COL12A1: variants seen among roughly 807,000 people sequenced by gnomAD.
COL12A1 encodes the protein collagen type XII alpha 1 chain.
Under a neutral mutation model 349.7 loss-of-function variants are expected in COL12A1, and 114 were observed. The observed-to-expected ratio is 0.33, with a 90% CI of 0.28 to 0.38. The LOEUF (loss-of-function observed/expected upper bound fraction) is 0.38. Ranked by LOEUF, COL12A1 falls within the 10% of genes least tolerant of loss-of-function variation. The pLI is 1.00. For synonymous variants in COL12A1, 1,369 were observed against 1,329.0 expected (o/e 1.03, Z -0.66); for missense variants, 3,284 against 3,756.9 (o/e 0.87, Z 3.29).
In COL12A1 at chr6:75,143,351, A is replaced by T; in HGVS notation, c.4728T>A (p.Asp1576Glu). 1 of 1,613,864 alleles carries T rather than the reference A, an allele frequency of 6.2e-7. No homozygotes were observed. Among genetic ancestry groups the T allele is most frequent in the Non-Finnish European group, 8.5e-7 (1 of 1,179,940 alleles). Residue 1576 changes from aspartate (D) to glutamate (E), a missense_variant, in exon 26 of 66, where the codon GAT becomes GAA. By Grantham distance (45) the Asp-to-Glu change is conservative (BLOSUM62 2). Coordinates refer to ENST00000322507, the MANE Select transcript of COL12A1 (RefSeq NM_004370.6). Reference sequence around the variant, plus strand: ...AGACATTCATAGTGCTGTGAGTCACATCTCTGAGTTTCAGATCCTGAGGTC... The same window carrying T: ...AGACATTCATAGTGCTGTGAGTCACTTCTCTGAGTTTCAGATCCTGAGGTC... The part of the protein sequence containing the change: ...LPRPQDLKLR[D>E]VTHSTMNVFW...
rs1382198401 is a variant in COL12A1, at chr6:75,085,312, C to A, written c.*1235G>T. On this transcript the variant is annotated 3_prime_UTR_variant, in exon 66 of 66. Transcript: ENST00000322507. ...GCTGTCCGCTCGGGCTCCACCGGCA[C>A]GATGAAGGGCTCGCGCTCAGGCAGG... is the stretch of plus-strand genomic sequence containing the variant. 1 of 471,090 alleles carries A rather than the reference C, an allele frequency of 2.1e-6. No individual in the cohort carries two copies. The allele number at this position is 471,090 out of a possible 1,614,324, so 29.2% of individuals were successfully genotyped here. A position where few individuals can be genotyped will look rare whatever the true frequency, so the allele number is the denominator to read the frequency against.
chr6:75,195,002 TTTAA>T (rs1258716611), intron 2 of COL12A1, 55 bp from the exon 3 acceptor site: 27 of 983,594 alleles, frequency 2.7e-5, no homozygotes, highest in Non-Finnish European at 4.1e-5. Flanking sequence ...AAATGGTCAA[TTTAA>T]TTAATAAAGA....
chr6:75,143,418 T>G (rs1767012168), intron 25 of COL12A1, 30 bp from the exon 26 acceptor site: 3 of 1,605,880 alleles, frequency 1.9e-6, no homozygotes, highest in South Asian at 2.3e-5. Context: ...TAAATCCAGA[T>G]GTGCTTCTCA....
rs1472523214 is a variant in COL12A1, at chr6:75,101,803, A to T, written c.8470-150T>A. The T allele has an allele frequency of 1.6e-5, 16 of 978,772 alleles. No individual in the cohort carries two copies. In the East Asian group the frequency reaches 3.8e-4, roughly 23 times the overall value. The allele number at this position is 978,772 out of a possible 1,614,324, so 60.6% of individuals were successfully genotyped here. ...CCAAGCACATTGCCAAGCATACAGTAGATGCTCAGTCAACAAGCAGATACC... is the reference window on the plus strand; with the variant it reads ...CCAAGCACATTGCCAAGCATACAGTTGATGCTCAGTCAACAAGCAGATACC... On this transcript the variant is annotated intron_variant, in intron 57 of 65. Coordinates refer to ENST00000322507, the MANE Select transcript of COL12A1 (RefSeq NM_004370.6).
At chr6:75,169,543 T>C (rs1043830048) in intron 13 of COL12A1, among the ~76,000 whole-genome samples, 6 of 152,206 alleles carry the variant, frequency 3.9e-5, no homozygotes, top group Non-Finnish European at 4.4e-5. Context: ...GAGGTCCTCC[T>C]CTTTCTTCTG....
Position 75,134,515 on chromosome 6 carries a change from G to C in COL12A1, c.5524+211C>G, listed in dbSNP as rs145792606. On this transcript the variant is annotated intron_variant, in intron 32 of 65. Coordinates refer to ENST00000322507, the MANE Select transcript of COL12A1 (RefSeq NM_004370.6). ...GAACCCGGGAGGCAGAGGATGCAGT[G>C]AGCCAAGATCGTGCCACTGCACTCC... Among the ~76,000 whole-genome samples the C allele has an allele frequency of 8.1e-3, 1,230 of 152,070 alleles. 5 individuals carry two copies. Among genetic ancestry groups the C allele is most frequent in the Non-Finnish European group, 0.013 (896 of 67,996 alleles).
chr6:75,122,314 G>A (rs1034075504), intron 43 of COL12A1, among the ~76,000 whole-genome samples: 8 of 152,002 alleles, frequency 5.3e-5, no homozygotes, highest in East Asian at 1.9e-4. Flanking sequence ...GAACCCTAAC[G>A]CAAACTGTGG....
Position 75,090,454 on chromosome 6 carries a change from A to G in COL12A1, c.8753-156T>C, listed in dbSNP as rs375338580. ...AGAATCCTAAAAATAAAATTAAGAC[A>G]GTCTAATCATCGAGGACAAAATGGT... is the stretch of plus-strand genomic sequence containing the variant. On this transcript the variant is annotated intron_variant, in intron 62 of 65. Coordinates refer to ENST00000322507, the MANE Select transcript of COL12A1 (RefSeq NM_004370.6). The surrounding 1 kb of genome is among the most constrained non-coding windows in gnomAD (Gnocchi z 4.1). 3.3e-5 allele frequency among the ~76,000 whole-genome samples: 5 copies of G among 152,318 alleles called. 1 individual carries two copies. The East Asian group carries it at 5.8e-4, about 18-fold the overall frequency.
At position 75,130,176 on chromosome 6, in the gene COL12A1, G is replaced by A. The variant is rs767845062; in HGVS notation, c.6125C>T (p.Ser2042Leu). ...RVFGETTNSL[S>L]VAWDHADGPV... ...CCCATCAGCATGATCCCAGGCTACC[G>A]AGAGGCTATTGGTTGTTTCACCAAA... Residue 2042 changes from serine to leucine, a missense_variant, in exon 37 of 66, where the codon TCG becomes TTG. By Grantham distance (145) the Ser-to-Leu change is moderately radical. This residue lies in a region of COL12A1 where 2,601 missense variants were observed against 2,824.8 expected (regional missense o/e 0.92). Coordinates refer to ENST00000322507, the MANE Select transcript of COL12A1 (RefSeq NM_004370.6). The A allele has an allele frequency of 1.5e-5, 24 of 1,613,866 alleles. No homozygotes were observed. The highest frequency in any genetic ancestry group is 1.2e-4 in the South Asian group (11 of 91,052).
At chr6:75,117,576 C>T (rs778338449) in intron 46 of COL12A1, 30 bp from the exon 47 acceptor site, 9 of 1,597,922 alleles carry the variant, frequency 5.6e-6, no homozygotes, top group African/African-American at 1.3e-5. Flanking sequence ...GAATGAATCA[C>T]GTATCTCTTT....
intron 27 of COL12A1, among the ~76,000 whole-genome samples, chr6:75,140,965 G>A (rs1037111124): frequency 2.0e-5 from 3 of 152,094 alleles, no homozygotes; most frequent in African/African-American, 7.2e-5. Context: ...AATACACACT[G>A]GATTTTGAAG....
chr6:75,189,367 A>T lies in COL12A1; in HGVS notation c.673T>A (p.Tyr225Asn), dbSNP rs370494661. Residue 225 changes from tyrosine (Y) to asparagine (N), a missense_variant, in exon 7 of 66, where the codon TAT (tyrosine) becomes AAT (asparagine). By Grantham distance (143) the Tyr-to-Asn change is moderately radical. Transcript: ENST00000322507. The stretch of plus-strand genomic sequence containing the variant: ...TCCGTGAAAGTATTTTTAACTAAAT[A>T]ATCAATGGCATCCCCTAAAGGGAAA... ...GNTMTGDAIDYLVKNTFTESA... is the reference protein window; with the variant it reads ...GNTMTGDAIDNLVKNTFTESA... The T allele has an allele frequency of 6.2e-7, 1 of 1,612,674 alleles. No individual in the cohort carries two copies. The highest frequency in any genetic ancestry group is 2.2e-5 in the East Asian group (1 of 44,834).
At chr6:75,096,682 G>T (rs569613350) in intron 59 of COL12A1, among the ~76,000 whole-genome samples, 7 of 152,222 alleles carry the variant, frequency 4.6e-5, no homozygotes, top group African/African-American at 7.2e-5. Context: ...AGATCACGAG[G>T]TCAGGAGATC....
At chr6:75,132,799 A>T (rs1582102506) in intron 34 of COL12A1, among the ~76,000 whole-genome samples, 1 of 152,352 alleles carries the variant, frequency 6.6e-6, no homozygotes, top group South Asian at 2.1e-4. Context: ...TCTGCACAAA[A>T]GCCTTTAAGC....
intron 37 of COL12A1, among the ~76,000 whole-genome samples, chr6:75,129,328 G>A (rs1264949289): frequency 6.6e-6 from 1 of 152,196 alleles, no homozygotes; most frequent in East Asian, 1.9e-4. Flanking sequence ...ATCACATGGG[G>A]CTCAGGGAGG....
At chr6:75,125,870 C>A (rs1458110098) in intron 39 of COL12A1, among the ~76,000 whole-genome samples, 2 of 151,836 alleles carry the variant, frequency 1.3e-5, no homozygotes, top group South Asian at 4.1e-4. Flanking sequence ...AGAATACAGA[C>A]AAAATATTAA....
intron 23 of COL12A1, among the ~76,000 whole-genome samples, chr6:75,146,838 A>G (rs240725): frequency 0.28 from 42,264 of 152,108 alleles, 5,844 homozygotes; most frequent in Middle Eastern, 0.31. Flanking sequence ...CCTGCCAGTT[A>G]TAAAATACAT....
At position 75,130,984 on chromosome 6, in the gene COL12A1, G is replaced by A; in HGVS notation, c.5938-3C>T. ...CGCGTGTTTCCTGGCACTACTATCT[G>A]CAGGAGAGGAAATGCCAAATTCTGC... On this transcript the variant is annotated splice_polypyrimidine_tract_variant and splice_region_variant and intron_variant, in intron 35 of 65. Coordinates refer to ENST00000322507, the MANE Select transcript of COL12A1 (RefSeq NM_004370.6). 6.2e-7 allele frequency: 1 copy of A among 1,614,062 alleles called. No homozygotes were observed. Among genetic ancestry groups the A allele is most frequent in the South Asian group, 1.1e-5 (1 of 91,074 alleles).
chr6:75,085,715 A>G lies in COL12A1; in HGVS notation c.*832T>C. 1 of 219,052 alleles carries G rather than the reference A, an allele frequency of 4.6e-6. No individual in the cohort carries two copies. Among genetic ancestry groups the G allele is most frequent in the Non-Finnish European group, 9.5e-6 (1 of 105,234 alleles). 13.6% of individuals were successfully genotyped at this position (219,052 alleles called of 1,614,324 possible). A position where few individuals can be genotyped will look rare whatever the true frequency, so the allele number is the denominator to read the frequency against. On this transcript the variant is annotated 3_prime_UTR_variant, in exon 66 of 66. Transcript: ENST00000322507. ...TTATGCCTTCAAACTCCTCAATTCAAAGAACAACTTGGAAAGATGAGGAGG... is the reference window on the plus strand; with the variant it reads ...TTATGCCTTCAAACTCCTCAATTCAGAGAACAACTTGGAAAGATGAGGAGG...
Sources: allele counts gnomAD v4.1 joint callset (sites outside exome capture counted in the v4.1 genomes callset), GRCh38; gene constraint gnomAD v4.1.1; regional missense constraint gnomAD v4.1.1; non-coding constraint Gnocchi (gnomAD v3.1); transcripts MANE v1.5; gene names NCBI Gene and HGNC (gene_info 2026-07-23, HGNC 2026-07-21).